The following INPP5A variants were observed in gnomAD, a reference collection of about 807,000 sequenced individuals.
The protein encoded by INPP5A is inositol polyphosphate-5-phosphatase A.
INPP5A carries 14 observed loss-of-function variants against 65.2 expected under a neutral mutation model. That is an observed-to-expected ratio of 0.21 (90% CI 0.14 to 0.34). The LOEUF is 0.34. Among genes scored for constraint, INPP5A ranks in the 10% least tolerant of loss-of-function variants. The probability of loss-of-function intolerance (pLI) is 1.00; values close to 1 mark genes in which losing one functional copy is unlikely to be tolerated. For missense variants in INPP5A, 431 were observed against 545.6 expected, an observed-to-expected ratio of 0.79 and a Z score of 2.09; for synonymous variants, 207 against 208.3, an observed-to-expected ratio of 0.99 and a Z score of 0.05.
chr10:132,583,790 A>G (rs1036680490), intron 1 of INPP5A, among the ~76,000 whole-genome samples: 2 of 152,166 alleles, frequency 1.3e-5, no homozygotes, highest in African/African-American at 4.8e-5. Context: ...CCTTTAAAAA[A>G]TCTATTTTGG....
chr10:132,614,869 G>A (rs180685143), intron 2 of INPP5A, among the ~76,000 whole-genome samples: 1 of 152,362 alleles, frequency 6.6e-6, no homozygotes, highest in African/African-American at 2.4e-5. Flanking sequence ...AGAAGGTGCC[G>A]TCTGTGAAGA....
intron 8 of INPP5A, among the ~76,000 whole-genome samples, chr10:132,716,158 C>T (rs1418424764): frequency 6.6e-6 from 1 of 152,260 alleles, no homozygotes; most frequent in Admixed American, 6.5e-5. Flanking sequence ...CCGCCACGCA[C>T]CCTGCACGTT....
rs1395585161 is a variant in INPP5A at position 132,678,123 on chromosome 10, T to G, written c.307-12269T>G. ...CCAGGAGCTGAAATTGGAAAGTCAG[T>G]GCTTTGTAAATAAGTCAGCTGTCAT... On this transcript the variant is annotated intron_variant, in intron 4 of 15. Coordinates refer to ENST00000368594, the MANE Select transcript of INPP5A (RefSeq NM_005539.5). The surrounding 1 kb of genome is among the most constrained non-coding windows in gnomAD (Gnocchi z 4.1). 6.6e-6 allele frequency among the ~76,000 whole-genome samples: 1 copy of G among 152,158 alleles called. No individual in the cohort carries two copies. Among genetic ancestry groups the G allele is most frequent in the African/African-American group, 2.4e-5 (1 of 41,442 alleles).
At chr10:132,561,779 C>A (rs1027343107) in intron 1 of INPP5A, among the ~76,000 whole-genome samples, 1 of 149,658 alleles carries the variant, frequency 6.7e-6, no homozygotes, top group Non-Finnish European at 1.5e-5. Context: ...CTGGAATTTA[C>A]ACACACCACC....
chr10:132,627,443 C>T lies in INPP5A; in HGVS notation c.118-18425C>T, dbSNP rs748825069. Among the ~76,000 whole-genome samples, 13 of 152,212 alleles carry T rather than the reference C, an allele frequency of 8.5e-5. No individual in the cohort carries two copies. The highest frequency in any genetic ancestry group is 1.2e-4 in the African/African-American group (5 of 41,532). ...GGGCGGTGGGGCTGGCGGTGCTGGG[C>T]GCGGCTCCCAAGATGCGTGCAGCTG... On this transcript the variant is annotated intron_variant, in intron 2 of 15. Coordinates refer to ENST00000368594, the MANE Select transcript of INPP5A (RefSeq NM_005539.5). This position sits in a 1 kb window ranked among gnomAD's most constrained non-coding sequence, Gnocchi z 6.6.
chr10:132,691,115 A>C (rs563698460), intron 5 of INPP5A, among the ~76,000 whole-genome samples: 1 of 152,210 alleles, frequency 6.6e-6, no homozygotes, highest in African/African-American at 2.4e-5. Context: ...TGGAGCCACA[A>C]ACGATGTCGT....
chr10:132,621,442 G>A (rs780142748), intron 2 of INPP5A, among the ~76,000 whole-genome samples: 6 of 152,162 alleles, frequency 3.9e-5, no homozygotes, highest in Non-Finnish European at 7.3e-5. Flanking sequence ...TCTATTTTAG[G>A]GAGACATGAG....
intron 12 of INPP5A, among the ~76,000 whole-genome samples, chr10:132,773,048 A>G (rs1249350541): frequency 6.6e-6 from 1 of 152,260 alleles, no homozygotes; most frequent in Non-Finnish European, 1.5e-5. Flanking sequence ...CTGTTACTGC[A>G]GGCGGGGAAT....
chr10:132,694,081 T>G (rs1210423792), intron 5 of INPP5A, among the ~76,000 whole-genome samples: 1 of 152,216 alleles, frequency 6.6e-6, no homozygotes, highest in Non-Finnish European at 1.5e-5. Context: ...AATCTACGTT[T>G]TTGTCAAGCT....
chr10:132,752,769 G>T (rs1846519320), intron 11 of INPP5A, among the ~76,000 whole-genome samples: 1 of 152,042 alleles, frequency 6.6e-6, no homozygotes, highest in Non-Finnish European at 1.5e-5. Flanking sequence ...CTTTCATGTG[G>T]ATCCAAAGTC....
At chr10:132,553,120 A>C (rs1361813299) in intron 1 of INPP5A, among the ~76,000 whole-genome samples, 45 of 110,938 alleles carry the variant, frequency 4.1e-4, no homozygotes, top group African/African-American at 1.4e-3. Context: ...GCCTTGGTGG[A>C]ATATTGGGTA....
intron 2 of INPP5A, among the ~76,000 whole-genome samples, chr10:132,614,733 G>A (rs550404462): frequency 1.3e-5 from 2 of 152,378 alleles, no homozygotes; most frequent in African/African-American, 4.8e-5. Flanking sequence ...GGTGGCCTCA[G>A]GAGGCCTGGC....
intron 4 of INPP5A, among the ~76,000 whole-genome samples, chr10:132,666,979 C>T (rs1057493592): frequency 6.6e-6 from 1 of 152,174 alleles, no homozygotes; most frequent in Admixed American, 6.5e-5. Context: ...TAATTCCTCT[C>T]ACCCCCAACC....
chr10:132,657,558 G>A (rs2072673968), intron 4 of INPP5A, among the ~76,000 whole-genome samples: 1 of 152,200 alleles, frequency 6.6e-6, no homozygotes, highest in South Asian at 2.1e-4. Flanking sequence ...GTGCTCTTGG[G>A]GTGGGGGGCC....
chr10:132,561,722 C>CCACACACACA lies in INPP5A; in HGVS notation c.75+23582_75+23591dup, dbSNP rs35335535. 3.4e-3 allele frequency among the ~76,000 whole-genome samples: 480 copies of CCACACACACA among 142,410 alleles called. 1 individual carries two copies. Among genetic ancestry groups the CCACACACACA allele is most frequent in the East Asian group, 5.4e-3 (26 of 4,798 alleles). 93.4% of individuals were successfully genotyped at this position (142,410 alleles called of 152,430 possible). The stretch of plus-strand genomic sequence containing the variant: ...GATTTTAGGATTAGTTTGTCAATTT[C>CCACACACACA]CACACACACACACACACACACACAC... On this transcript the variant is annotated intron_variant, in intron 1 of 15. Transcript: ENST00000368594.
At chr10:132,592,268 T>C (rs2071628663) in intron 1 of INPP5A, among the ~76,000 whole-genome samples, 1 of 152,228 alleles carries the variant, frequency 6.6e-6, no homozygotes, top group Non-Finnish European at 1.5e-5. Flanking sequence ...GTTGACTGCA[T>C]AGTAGTGTGA....
chr10:132,721,096 C>T (rs1255806429), intron 8 of INPP5A, among the ~76,000 whole-genome samples: 2 of 143,358 alleles, frequency 1.4e-5, no homozygotes, highest in Non-Finnish European at 3.0e-5. Context: ...TGGGTTCTGC[C>T]TGGAGGAGCC....
intron 8 of INPP5A, among the ~76,000 whole-genome samples, chr10:132,726,016 G>A (rs1026767223): frequency 7.9e-5 from 12 of 152,042 alleles, no homozygotes; most frequent in South Asian, 2.1e-4. Flanking sequence ...AGTTCACGGC[G>A]TTACTGACTG....
At chr10:132,634,521 C>T (rs1205900350) in intron 2 of INPP5A, among the ~76,000 whole-genome samples, 4 of 152,248 alleles carry the variant, frequency 2.6e-5, no homozygotes, top group African/African-American at 9.6e-5. Flanking sequence ...AAGTGGACCA[C>T]GGAGCTTGAC....
Sources: gnomAD v4.1 joint callset for allele counts (sites outside exome capture counted in the v4.1 genomes callset) on GRCh38, gnomAD v4.1.1 for gene constraint, Gnocchi (gnomAD v3.1) non-coding constraint, MANE v1.5 for transcripts, NCBI Gene and HGNC (gene_info 2026-07-23, HGNC 2026-07-21) for gene names.